The following MYO18B variants were observed in gnomAD, a reference collection of about 807,000 sequenced individuals.
The protein encoded by MYO18B is unconventional myosin-XVIIIb.
A neutral mutation model predicts 273.0 loss-of-function variants in MYO18B; 204 were observed. The ratio of observed to expected loss-of-function variants is 0.75; its 90% CI spans 0.67 to 0.84. The LOEUF is 0.84. MYO18B is among the 40% of genes least tolerant of loss of function. The probability of loss-of-function intolerance (pLI) is 0.00; values close to 1 mark genes in which losing one functional copy is unlikely to be tolerated. For missense variants in MYO18B, 3,212 were observed against 3,287.6 expected (o/e 0.98, Z 0.56); for synonymous variants, 1,330 against 1,305.7 (o/e 1.02, Z -0.40).
chr22:25,905,375 CA>C (rs564374539), intron 31 of MYO18B, among the ~76,000 whole-genome samples: 166 of 152,316 alleles, frequency 1.1e-3, no homozygotes, highest in Non-Finnish European at 2.0e-3. Context: ...CTGCATCATG[CA>C]CTCTGTGGAT....
chr22:25,902,822 C>A, intron 30 of MYO18B, 86 bp downstream of exon 30: 1 of 1,447,478 alleles, frequency 6.9e-7, no homozygotes, highest in Non-Finnish European at 9.3e-7. Flanking sequence ...CAAATGGTGA[C>A]AGAGAGAAAA....
intron 31 of MYO18B, among the ~76,000 whole-genome samples, chr22:25,904,275 A>G (rs532247821): frequency 1.3e-4 from 20 of 152,334 alleles, no homozygotes; most frequent in Non-Finnish European, 2.6e-4. Context: ...GGCCAGGTAC[A>G]TAGCTGATGC....
intron 3 of MYO18B, among the ~76,000 whole-genome samples, chr22:25,764,182 A>T (rs1351761455): frequency 1.3e-5 from 2 of 152,212 alleles, no homozygotes; most frequent in Non-Finnish European, 2.9e-5. Flanking sequence ...GCTATTCTGA[A>T]TAGCGCTGCT....
intron 12 of MYO18B, among the ~76,000 whole-genome samples, chr22:25,818,742 C>T (rs1275240146): frequency 6.6e-6 from 1 of 152,158 alleles, no homozygotes; most frequent in Non-Finnish European, 1.5e-5. Context: ...GGGTACCCTC[C>T]TTGGTTTTGC....
At chr22:25,873,780 T>C (rs987064467) in intron 22 of MYO18B, among the ~76,000 whole-genome samples, 1 of 152,192 alleles carries the variant, frequency 6.6e-6, no homozygotes, top group South Asian at 2.1e-4. Flanking sequence ...CTCAGATTGC[T>C]GTGGGTGCTT....
the MYO18B span, among the ~76,000 whole-genome samples, chr22:26,049,626 G>T: frequency 2.0e-5 from 3 of 152,206 alleles, no homozygotes; most frequent in Admixed American, 6.5e-5. Flanking sequence ...AGACCATCTT[G>T]TTCACCACTG....
the MYO18B span, among the ~76,000 whole-genome samples, chr22:26,048,633 C>T: frequency 6.6e-6 from 1 of 152,214 alleles, no homozygotes; most frequent in Non-Finnish European, 1.5e-5. Context: ...TTTATGCTGA[C>T]CTACAGGACT....
chr22:25,859,797 A>G (rs1300629800), intron 21 of MYO18B, among the ~76,000 whole-genome samples: 1 of 152,152 alleles, frequency 6.6e-6, no homozygotes, highest in East Asian at 1.9e-4. Flanking sequence ...ATTTTCTTCC[A>G]GCCTGTGGCT....
At position 25,843,622 on chromosome 22, in the gene MYO18B, C is replaced by A. The variant is rs760649961; in HGVS notation, c.3209-113C>A. 4.5e-6 allele frequency: 5 copies of A among 1,099,204 alleles called. No individual in the cohort carries two copies. In the African/African-American group the frequency reaches 4.6e-5, roughly 10 times the overall value. 68.1% of individuals were successfully genotyped at this position (1,099,204 alleles called of 1,614,324 possible). ...AAATGTGGGTGCCTTCGACCATGAG[C>A]GTTAGCTATCTGGAAACACGTTAAG... On this transcript the variant is annotated intron_variant, in intron 17 of 43. Coordinates refer to ENST00000335473, the MANE Select transcript of MYO18B (RefSeq NM_032608.7).
chr22:25,801,350 T>A lies in MYO18B; in HGVS notation c.2521+3253T>A, dbSNP rs575754077. 7.2e-5 allele frequency among the ~76,000 whole-genome samples: 11 copies of A among 152,326 alleles called. No homozygotes were observed. In the South Asian group the frequency reaches 1.9e-3, roughly 26 times the overall value. On this transcript the variant is annotated intron_variant, in intron 12 of 43. Transcript: ENST00000335473. Reference sequence around the variant, plus strand: ...TGTTTGACAGTTTCAAAAGCACTTATACCTCTATTATGCCCTTGGATTGGA... The same window carrying A: ...TGTTTGACAGTTTCAAAAGCACTTAAACCTCTATTATGCCCTTGGATTGGA...
intron 38 of MYO18B, among the ~76,000 whole-genome samples, chr22:25,954,682 C>T (rs2092828234): frequency 6.6e-6 from 1 of 152,138 alleles, no homozygotes; most frequent in Non-Finnish European, 1.5e-5. Context: ...AAATACGCTA[C>T]ACTGCCTCTC....
intron 33 of MYO18B, among the ~76,000 whole-genome samples, chr22:25,914,427 A>G (rs1198529041): frequency 6.6e-6 from 1 of 151,984 alleles, no homozygotes; most frequent in Non-Finnish European, 1.5e-5. Flanking sequence ...TTTTCTATAC[A>G]GATCTTGGAC....
At chr22:25,783,436 C>T (rs1364771925) in intron 10 of MYO18B, among the ~76,000 whole-genome samples, 2 of 152,202 alleles carry the variant, frequency 1.3e-5, no homozygotes, top group Non-Finnish European at 2.9e-5. Flanking sequence ...ATAGGAATCC[C>T]ACTTTCAGCC....
chr22:25,922,389 T>C (rs796427979), intron 34 of MYO18B, among the ~76,000 whole-genome samples: 5 of 151,996 alleles, frequency 3.3e-5, no homozygotes, highest in African/African-American at 1.2e-4. Context: ...TGTTGAGAAG[T>C]GTGAATGGAT....
rs149196479 is a variant in MYO18B at position 25,888,843 on chromosome 22, G to A, written c.4315-1913G>A. ...AATGTGCATTTTGGTCTCAGCAGTC[G>A]GTGATGCGGTCAACAGGGTGGGAGG... On this transcript the variant is annotated intron_variant, in intron 25 of 43. Transcript: ENST00000335473. Among the ~76,000 whole-genome samples, 576 of 152,276 alleles carry A rather than the reference G, an allele frequency of 3.8e-3. 12 individuals are homozygous for A. Among genetic ancestry groups the A allele is most frequent in the East Asian group, 3.1e-3 (16 of 5,182 alleles).
At chr22:25,944,785 C>T (rs1479591254) in intron 34 of MYO18B, among the ~76,000 whole-genome samples, 1 of 148,908 alleles carries the variant, frequency 6.7e-6, no homozygotes, top group Non-Finnish European at 1.5e-5. Flanking sequence ...AGGTGGAGGT[C>T]GCAGTGAGCT....
intron 29 of MYO18B, among the ~76,000 whole-genome samples, chr22:25,901,745 T>G (rs1414317829): frequency 6.6e-6 from 1 of 151,646 alleles, no homozygotes; most frequent in Admixed American, 6.6e-5. Flanking sequence ...AAATGGGGCC[T>G]GGTAGATTTA....
chr22:25,855,550 C>G (rs748280014), intron 21 of MYO18B, among the ~76,000 whole-genome samples: 12 of 152,100 alleles, frequency 7.9e-5, no homozygotes, highest in South Asian at 2.1e-4. Flanking sequence ...AAAGTGCTGG[C>G]ATTACAGGTG....
At chr22:25,807,133 C>G (rs1174288771) in intron 12 of MYO18B, among the ~76,000 whole-genome samples, 4 of 152,228 alleles carry the variant, frequency 2.6e-5, no homozygotes, top group African/African-American at 9.6e-5. Flanking sequence ...ACTTGCACCT[C>G]TCAGAGGTGT....
Sources: gnomAD v4.1 joint callset for allele counts (sites outside exome capture counted in the v4.1 genomes callset) on GRCh38, gnomAD v4.1.1 for gene constraint, MANE v1.5 for transcripts, NCBI Gene and HGNC (gene_info 2026-07-23, HGNC 2026-07-21) for gene names.